The following RAD51B variants were observed in gnomAD, a reference collection of about 807,000 sequenced individuals.
RAD51B encodes RAD51 paralog B.
Under a neutral mutation model 42.2 loss-of-function variants are expected in RAD51B, and 38 were observed. The observed-to-expected ratio is 0.90, with a 90% CI of 0.70 to 1.18. The LOEUF is 1.18. Among genes scored for constraint, RAD51B ranks in the 50% most tolerant of loss-of-function variants. The probability of loss-of-function intolerance (pLI) is 0.00; values close to 1 mark genes in which losing one functional copy is unlikely to be tolerated. For synonymous variants in RAD51B, 154 were observed against 145.2 expected, an observed-to-expected ratio of 1.06 and a Z score of -0.43; for missense variants, 373 against 400.7, an observed-to-expected ratio of 0.93 and a Z score of 0.59.
At chr14:67,856,531 T>C (rs986233929) in intron 4 of RAD51B, among the ~76,000 whole-genome samples, 1 of 152,172 alleles carries the variant, frequency 6.6e-6, no homozygotes, top group Non-Finnish European at 1.5e-5. Flanking sequence ...AATGAAGCTT[T>C]TTTAAAACAT....
Position 68,426,007 on chromosome 14 carries a change from C to CCTTTCTTT in RAD51B, c.957+14495_957+14502dup, listed in dbSNP as rs59829165. ...TCCTTCCTTCCTTCCTTCCTTCCTT[C>CCTTTCTTT]CTTTCTTTCTTTCTTTCTTTCTCTC... On this transcript the variant is annotated intron_variant, in intron 9 of 10. Coordinates refer to ENST00000471583, the MANE Select transcript of RAD51B (RefSeq NM_133510.4). Among the ~76,000 whole-genome samples, 143 of 116,666 alleles carry CCTTTCTTT rather than the reference C, an allele frequency of 1.2e-3. 1 individual carries two copies. The highest frequency in any genetic ancestry group is 3.8e-3 in the South Asian group (13 of 3,454). The allele number at this position is 116,666 out of a possible 152,430, so 76.5% of individuals were successfully genotyped here.
At chr14:67,944,393 T>C (rs746670479) in intron 7 of RAD51B, among the ~76,000 whole-genome samples, 2 of 152,158 alleles carry the variant, frequency 1.3e-5, no homozygotes, top group Non-Finnish European at 2.9e-5. Flanking sequence ...GTTTTAGCTG[T>C]CTTTGTCTCT....
chr14:68,499,074 AGAG>A (rs1884741173), intron 10 of RAD51B, among the ~76,000 whole-genome samples: 1 of 152,182 alleles, frequency 6.6e-6, no homozygotes. Context: ...GTTGGCAAGA[AGAG>A]GAGAAGGTGA....
At chr14:68,529,774 A>G (rs9323513) in intron 10 of RAD51B, among the ~76,000 whole-genome samples, 75,936 of 152,120 alleles carry the variant, frequency 0.5, 19,605 homozygotes, top group East Asian at 0.7. Context: ...CAAAATCAAC[A>G]TTTGTTATCT....
At chr14:67,851,041 A>G (rs1036435718) in intron 4 of RAD51B, among the ~76,000 whole-genome samples, 4 of 152,000 alleles carry the variant, frequency 2.6e-5, no homozygotes, top group Non-Finnish European at 5.9e-5. Context: ...CTGCTCTCCA[A>G]TGTGATGACT....
Position 68,103,313 on chromosome 14 carries a change from C to A in RAD51B, c.757-188571C>A, listed in dbSNP as rs192100661. ...TATAATTCAAAACCTCAGGAGTTAT[C>A]ATAATAGTTTCAATCTCTTTTTCTA... is the stretch of plus-strand genomic sequence containing the variant. On this transcript the variant is annotated intron_variant, in intron 7 of 10. Transcript: ENST00000471583. Among the ~76,000 whole-genome samples the A allele has an allele frequency of 2.0e-5, 3 of 152,076 alleles. No homozygotes were observed. In the East Asian group the frequency reaches 5.8e-4, roughly 29 times the overall value.
At chr14:67,994,920 G>A (rs2075355998) in intron 7 of RAD51B, among the ~76,000 whole-genome samples, 2 of 152,110 alleles carry the variant, frequency 1.3e-5, no homozygotes, top group South Asian at 2.1e-4. Flanking sequence ...AAATATAATT[G>A]AATATTCAGC....
At position 67,904,985 on chromosome 14, in the gene RAD51B, A is replaced by G. The variant is rs201778085; in HGVS notation, c.756+17781A>G. On this transcript the variant is annotated intron_variant, in intron 7 of 10. Transcript: ENST00000471583. ...GAGCCTTTGTCATGAAATCTTTGCC[A>G]TCACCTATGTCCAGAATAGTGTTTC... 2.2e-4 allele frequency among the ~76,000 whole-genome samples: 32 copies of G among 148,540 alleles called. No individual in the cohort carries two copies. In the East Asian group the frequency reaches 6.3e-3, roughly 29 times the overall value.
At chr14:68,562,851 A>G (rs569319696) in intron 10 of RAD51B, 6 of 985,420 alleles carry the variant, frequency 6.1e-6, no homozygotes, top group Middle Eastern at 1.0e-3. Context: ...AAATGTTCAC[A>G]GCAGCTCTGG....
At chr14:68,520,309 C>T (rs1337272660) in intron 10 of RAD51B, among the ~76,000 whole-genome samples, 2 of 152,112 alleles carry the variant, frequency 1.3e-5, no homozygotes, top group Non-Finnish European at 2.9e-5. Context: ...TAATCCAAAG[C>T]CACATGTAAA....
At chr14:68,053,731 T>C (rs1019466697) in intron 7 of RAD51B, among the ~76,000 whole-genome samples, 1 of 152,196 alleles carries the variant, frequency 6.6e-6, no homozygotes, top group African/African-American at 2.4e-5. Flanking sequence ...TATTCTTAAT[T>C]TTCCTGTAAG....
At chr14:67,825,680 C>A (rs2040807424) in intron 3 of RAD51B, 103 bp downstream of exon 3, 2 of 772,244 alleles carry the variant, frequency 2.6e-6, no homozygotes, top group East Asian at 3.0e-5. Flanking sequence ...ATGAGTACCT[C>A]AAAAATACTG....
At chr14:67,952,376 A>G (rs1005019138) in intron 7 of RAD51B, among the ~76,000 whole-genome samples, 3 of 152,210 alleles carry the variant, frequency 2.0e-5, no homozygotes, top group African/African-American at 4.8e-5. Context: ...CGTTTCTGCA[A>G]TATTAATGAA....
intron 7 of RAD51B, among the ~76,000 whole-genome samples, chr14:68,152,087 G>A (rs1463793283): frequency 6.6e-6 from 1 of 151,872 alleles, no homozygotes; most frequent in Non-Finnish European, 1.5e-5. Context: ...CAGGTGATCT[G>A]CCCACCTTGG....
At chr14:68,540,114 T>A (rs1887874406) in intron 10 of RAD51B, 3 of 901,020 alleles carry the variant, frequency 3.3e-6, no homozygotes, top group Non-Finnish European at 4.0e-6. Flanking sequence ...GAGCTGCCCA[T>A]GCTCAGCCCC....
intron 10 of RAD51B, among the ~76,000 whole-genome samples, chr14:68,591,284 T>C (rs1890728410): frequency 6.6e-6 from 1 of 152,148 alleles, no homozygotes; most frequent in Non-Finnish European, 1.5e-5. Flanking sequence ...AGAGTGACTG[T>C]CCTCCATGCT....
At chr14:68,355,032 C>G (rs1249783130) in intron 8 of RAD51B, among the ~76,000 whole-genome samples, 1 of 152,126 alleles carries the variant, frequency 6.6e-6, no homozygotes, top group South Asian at 2.1e-4. Context: ...TGAGTAAGCT[C>G]TCTGGCTGTA....
downstream of RAD51B, among the ~76,000 whole-genome samples, chr14:68,481,702 G>A (rs1211606113): frequency 1.3e-5 from 2 of 152,212 alleles, no homozygotes; most frequent in African/African-American, 4.8e-5. Flanking sequence ...AGGATGAAAT[G>A]TGGATTTGAA....
At position 68,540,806 on chromosome 14, in the gene RAD51B, A is replaced by G. The variant is rs913278981; in HGVS notation, c.1037-53679A>G. On this transcript the variant is annotated intron_variant, in intron 10 of 10. Transcript: ENST00000487270. ...TTGAGTAGAATTTCAACAAAGAGCA[A>G]AGAATGGAATTGGATGGTGTGTTCG... 85 of 985,442 alleles carry G rather than the reference A, an allele frequency of 8.6e-5. 1 individual carries two copies. The African/African-American group carries it at 1.4e-3, about 16-fold the overall frequency. The allele number at this position is 985,442 out of a possible 1,614,324, so 61.0% of individuals were successfully genotyped here.
Sources: gnomAD v4.1 joint callset for allele counts (sites outside exome capture counted in the v4.1 genomes callset) on GRCh38, gnomAD v4.1.1 for gene constraint, MANE v1.5 for transcripts, NCBI Gene and HGNC (gene_info 2026-07-23, HGNC 2026-07-21) for gene names.